GAB3: variants seen among roughly 807,000 people sequenced by gnomAD.
GAB3 encodes the protein GRB2 associated binding protein 3.
A neutral mutation model predicts 40.4 loss-of-function variants in GAB3; 12 were observed. That is an observed-to-expected ratio of 0.30 (90% CI 0.19 to 0.48). The LOEUF is 0.48. Among genes scored for constraint, GAB3 ranks in the 20% least tolerant of loss-of-function variants. The pLI, the probability that GAB3 is intolerant of heterozygous loss-of-function variation, is 0.99. For missense variants in GAB3, 381 were observed against 461.9 expected (o/e 0.82, Z 1.61); for synonymous variants, 154 against 176.7 (o/e 0.87, Z 1.02).
intron 8 of GAB3, among the ~76,000 whole-genome samples, chrX:154,693,788 ATG>A (rs1557249945): frequency 8.9e-6 from 1 of 112,213 alleles, no homozygotes; most frequent in East Asian, 2.8e-4. Flanking sequence ...CAAAAAATTA[ATG>A]TGAGATTTAA....
At chrX:154,742,266 A>T (rs1184100399) in intron 1 of GAB3, among the ~76,000 whole-genome samples, 3 of 111,971 alleles carry the variant, frequency 2.7e-5, no homozygotes, top group Non-Finnish European at 5.6e-5. Flanking sequence ...CCAAGGGGGA[A>T]ATTTGTAGCA....
intron 4 of GAB3, among the ~76,000 whole-genome samples, chrX:154,703,826 G>C (rs1202250763): frequency 9.0e-6 from 1 of 111,300 alleles, no homozygotes; most frequent in Non-Finnish European, 1.9e-5. Flanking sequence ...CTATGGAGAA[G>C]TTTGGAGGTT....
At chrX:154,718,766 C>A (rs2071085583) in intron 1 of GAB3, among the ~76,000 whole-genome samples, 1 of 111,421 alleles carries the variant, frequency 9.0e-6, no homozygotes, top group Non-Finnish European at 1.9e-5. Flanking sequence ...TGGGGTGCTC[C>A]AAACTTTCCA....
At chrX:154,744,249 A>C (rs1212935971) in intron 1 of GAB3, among the ~76,000 whole-genome samples, 2 of 106,991 alleles carry the variant, frequency 1.9e-5, no homozygotes, top group African/African-American at 6.8e-5. Flanking sequence ...AAAGGCGTTA[A>C]AAAGCAAGAC....
rs2070294645 is a variant in GAB3, at chrX:154,676,233, T to C, written c.*1945A>G. Reference sequence around the variant, plus strand: ...TTCAGCTATTCTTTTCTATCTCCAATCTGGTGTGGTTCTTGACACTTGGGC... The same window carrying C: ...TTCAGCTATTCTTTTCTATCTCCAACCTGGTGTGGTTCTTGACACTTGGGC... On this transcript the variant is annotated 3_prime_UTR_variant, in exon 10 of 10. Transcript: ENST00000424127. 1 of 112,154 alleles carries C rather than the reference T, an allele frequency of 8.9e-6. No individual in the cohort carries two copies. The highest frequency in any genetic ancestry group is 1.9e-5 in the Non-Finnish European group (1 of 53,187). 9.2% of individuals were successfully genotyped at this position (112,154 alleles called of 1,213,427 possible). A position where few individuals can be genotyped will look rare whatever the true frequency, so the allele number is the denominator to read the frequency against.
intron 6 of GAB3, among the ~76,000 whole-genome samples, chrX:154,697,553 G>T (rs955527001): frequency 8.9e-6 from 1 of 112,043 alleles, no homozygotes; most frequent in Non-Finnish European, 1.9e-5. Flanking sequence ...CCTCACACCC[G>T]ATGTGTCTGA....
In GAB3 at chrX:154,712,340, C is replaced by T. The variant is rs1557256268; in HGVS notation, c.958G>A (p.Glu320Lys). The part of the protein sequence containing the change: ...PRPPKPSHLS[E>K]RRQEEWSTHS... ...GTACTCCACTCCTCTTGGCGCCGTT[C>T]AGACAGATGGCTTGGCTTAGGGGGG... The change falls in exon 4 of 10, where the codon GAA (glutamate) becomes AAA (lysine). Residue 320 changes from glutamate (E) to lysine (K), a missense_variant. Transcript: ENST00000424127. The T allele has an allele frequency of 1.7e-6, 2 of 1,211,818 alleles. No individual in the cohort carries two copies. The highest frequency in any genetic ancestry group is 1.8e-5 in the South Asian group (1 of 57,005).
intron 8 of GAB3, among the ~76,000 whole-genome samples, chrX:154,692,315 A>G (rs782632040): frequency 8.9e-6 from 1 of 112,163 alleles, no homozygotes; most frequent in East Asian, 2.8e-4. Context: ...ATAACTCAAC[A>G]ACAAAAAAAG....
At chrX:154,710,746 G>T (rs2070929499) in intron 4 of GAB3, among the ~76,000 whole-genome samples, 1 of 112,142 alleles carries the variant, frequency 8.9e-6, no homozygotes, top group Non-Finnish European at 1.9e-5. Flanking sequence ...TTGTTTCATG[G>T]TCAAAACCTC....
chrX:154,742,493 AT>A (rs1462836951), intron 1 of GAB3, among the ~76,000 whole-genome samples: 2 of 110,838 alleles, frequency 1.8e-5, no homozygotes, highest in African/African-American at 3.3e-5. Context: ...TATAATAGTT[AT>A]AAGGAATTTT....
At chrX:154,687,495 G>A (rs2070473958) in intron 8 of GAB3, among the ~76,000 whole-genome samples, 1 of 109,133 alleles carries the variant, frequency 9.2e-6, no homozygotes, top group African/African-American at 3.3e-5. Flanking sequence ...TTAGCCAGGT[G>A]TGGTGGCGGG....
intron 1 of GAB3, among the ~76,000 whole-genome samples, chrX:154,750,557 C>G (rs1230405712): frequency 4.4e-5 from 5 of 112,415 alleles, no homozygotes; most frequent in Non-Finnish European, 9.4e-5. Flanking sequence ...GTCTCCCTAT[C>G]CCCTGCCGCG....
At chrX:154,721,696 G>T (rs183423396) in intron 1 of GAB3, among the ~76,000 whole-genome samples, 5 of 112,318 alleles carry the variant, frequency 4.5e-5, no homozygotes, top group Non-Finnish European at 9.4e-5. Flanking sequence ...AAATGCAAAT[G>T]AAAACCACAA....
Position 154,714,271 on chromosome X carries a change from AGTCC to A in GAB3, c.377-849_377-846del, listed in dbSNP as rs2071010520. Among the ~76,000 whole-genome samples, 3 of 111,923 alleles carry A rather than the reference AGTCC, an allele frequency of 2.7e-5. No homozygotes were observed. In the Admixed American group the frequency reaches 2.8e-4, roughly 11 times the overall value. On this transcript the variant is annotated intron_variant, in intron 2 of 9. Coordinates refer to ENST00000424127, the MANE Select transcript of GAB3 (RefSeq NM_001081573.3). ...GATGACCCAGAACTAACTAGGTTCA[AGTCC>A]AGGCTCTACTACATAGCCATTACTA... is the stretch of plus-strand genomic sequence containing the variant.
At chrX:154,742,541 A>G (rs2071458265) in intron 1 of GAB3, among the ~76,000 whole-genome samples, 2 of 111,520 alleles carry the variant, frequency 1.8e-5, no homozygotes, top group African/African-American at 6.5e-5. Context: ...AGTTTCTACT[A>G]ATGAGTGTTG....
intron 1 of GAB3, among the ~76,000 whole-genome samples, chrX:154,732,992 G>T (rs2071312660): frequency 8.9e-6 from 1 of 111,981 alleles, no homozygotes; most frequent in Non-Finnish European, 1.9e-5. Context: ...GAGAGGAAAA[G>T]AACACTCTCA....
rs1557245709 is a variant in GAB3 at position 154,676,916 on chromosome X, G to A, written c.*1262C>T. 1 of 111,721 alleles carries A rather than the reference G, an allele frequency of 9.0e-6. No homozygotes were observed. The highest frequency in any genetic ancestry group is 3.3e-5 in the African/African-American group (1 of 30,732). 9.2% of individuals were successfully genotyped at this position (111,721 alleles called of 1,213,427 possible). A position where few individuals can be genotyped will look rare whatever the true frequency, so the allele number is the denominator to read the frequency against. ...TCATTCTGGGTCTCCTGGACCCCAG[G>A]ACCTGTAAAGGAAGGGGTGACATGA... On this transcript the variant is annotated 3_prime_UTR_variant, in exon 10 of 10. Coordinates refer to ENST00000424127, the MANE Select transcript of GAB3 (RefSeq NM_001081573.3).
chrX:154,748,524 A>C (rs1311364190), intron 1 of GAB3, among the ~76,000 whole-genome samples: 2 of 112,384 alleles, frequency 1.8e-5, no homozygotes, highest in African/African-American at 3.2e-5. Flanking sequence ...TTAAAAGACC[A>C]GTGATAAAAA....
chrX:154,686,835 G>T (rs1314545321), intron 8 of GAB3, among the ~76,000 whole-genome samples: 1 of 111,065 alleles, frequency 9.0e-6, no homozygotes, highest in Non-Finnish European at 1.9e-5. Context: ...AAATCTAATA[G>T]GACACACATA....
Sources: allele counts gnomAD v4.1 joint callset (sites outside exome capture counted in the v4.1 genomes callset), GRCh38; gene constraint gnomAD v4.1.1; transcripts MANE v1.5; gene names NCBI Gene and HGNC (gene_info 2026-07-23, HGNC 2026-07-21).